KANSL1L: variants seen among roughly 807,000 people sequenced by gnomAD.
The protein encoded by KANSL1L is KAT8 regulatory NSL complex subunit 1-like protein.
Under a neutral mutation model 108.6 loss-of-function variants are expected in KANSL1L, and 25 were observed. The ratio of observed to expected loss-of-function variants is 0.23; its 90% CI spans 0.17 to 0.32. The LOEUF (loss-of-function observed/expected upper bound fraction) is 0.32. Ranked by LOEUF, KANSL1L falls within the 10% of genes least tolerant of loss-of-function variation. KANSL1L has a pLI of 1.00. For missense variants in KANSL1L, 1,137 were observed against 1,125.7 expected (o/e 1.01, Z -0.14); for synonymous variants, 405 against 395.1 (o/e 1.03, Z -0.30).
At chr2:210,088,809 G>C (rs1229612272) in intron 5 of KANSL1L, 1 of 152,256 alleles carries the variant, frequency 6.6e-6, no homozygotes, top group Non-Finnish European at 1.5e-5. Flanking sequence ...ATTGCTCTCA[G>C]CAATATGAAA....
chr2:210,103,303 C>T (rs557640024), intron 4 of KANSL1L, among the ~76,000 whole-genome samples: 43 of 150,150 alleles, frequency 2.9e-4, no homozygotes, highest in Non-Finnish European at 5.3e-4. Flanking sequence ...GGGGACATCA[C>T]ACACCGGGGC....
At chr2:210,156,330 G>C (rs2095332928) in intron 1 of KANSL1L, among the ~76,000 whole-genome samples, 1 of 151,918 alleles carries the variant, frequency 6.6e-6, no homozygotes, top group South Asian at 2.1e-4. Flanking sequence ...AATTGGTTCA[G>C]TAATTTGACC....
chr2:210,034,091 C>A (rs2094065685), intron 8 of KANSL1L, among the ~76,000 whole-genome samples: 1 of 152,162 alleles, frequency 6.6e-6, no homozygotes, highest in African/African-American at 2.4e-5. Flanking sequence ...GTCTTTACTT[C>A]CTTCCCTTTT....
chr2:210,091,534 T>G (rs1420283151), intron 5 of KANSL1L, among the ~76,000 whole-genome samples: 2 of 152,130 alleles, frequency 1.3e-5, no homozygotes, highest in African/African-American at 4.8e-5. Context: ...GCATTAGCAC[T>G]CAGGAAATGC....
intron 6 of KANSL1L, chr2:210,063,645 G>T (rs1575455099): frequency 6.6e-6 from 1 of 152,136 alleles, no homozygotes; most frequent in African/African-American, 2.4e-5. Context: ...TGACTGCCCT[G>T]CTGGATTTTG....
At chr2:210,139,368 T>C (rs2095206185) in intron 2 of KANSL1L, among the ~76,000 whole-genome samples, 1 of 152,200 alleles carries the variant, frequency 6.6e-6, no homozygotes, top group African/African-American at 2.4e-5. Context: ...AGTATCAACA[T>C]GAGAGTGCAG....
Position 210,030,051 on chromosome 2 carries a change from CAA to C in KANSL1L, c.2156-135_2156-134del, listed in dbSNP as rs1180115257. 6 of 447,138 alleles carry C rather than the reference CAA, an allele frequency of 1.3e-5. No individual in the cohort carries two copies. The Admixed American group carries it at 2.1e-4, about 15-fold the overall frequency. The allele number at this position is 447,138 out of a possible 1,614,324, so 27.7% of individuals were successfully genotyped here. On this transcript the variant is annotated intron_variant, in intron 9 of 14. Transcript: ENST00000281772. ...GTGTTTAAATTCGTGTATTAGAAAA[CAA>C]AAAAGGAAATGAAAAAAGAGGAGCC... is the stretch of plus-strand genomic sequence containing the variant.
At chr2:210,092,314 T>A (rs926072692) in intron 5 of KANSL1L, among the ~76,000 whole-genome samples, 3 of 152,210 alleles carry the variant, frequency 2.0e-5, no homozygotes, top group Non-Finnish European at 4.4e-5. Flanking sequence ...TCACACTATA[T>A]TCTCTACATT....
In KANSL1L at chr2:210,040,500, G is replaced by A. The variant is rs761810936; in HGVS notation, c.1949C>T (p.Thr650Ile). 2 of 1,548,886 alleles carry A rather than the reference G, an allele frequency of 1.3e-6. No individual in the cohort carries two copies. Among genetic ancestry groups the A allele is most frequent in the African/African-American group, 1.4e-5 (1 of 72,244 alleles). ...TTTTATTTCAGTCTTTTTTAACAGT[G>A]TTTCAAAGTGAAAATGAAGAGGCAC... Reference protein sequence around the residue: ...SDVPLHFHFETLLKKTEIKGN... With the variant: ...SDVPLHFHFEILLKKTEIKGN... Residue 650 changes from threonine to isoleucine, a missense_variant, in exon 8 of 15, where the codon ACA becomes ATA. Coordinates refer to ENST00000281772, the MANE Select transcript of KANSL1L (RefSeq NM_152519.4).
At chr2:210,069,222 T>C (rs966124460) in intron 6 of KANSL1L, among the ~76,000 whole-genome samples, 1 of 152,318 alleles carries the variant, frequency 6.6e-6, no homozygotes. Flanking sequence ...AGGATAGCCT[T>C]CCCTCCAGTT....
chr2:210,118,426 A>T (rs1270514489), intron 3 of KANSL1L, among the ~76,000 whole-genome samples: 5 of 140,752 alleles, frequency 3.6e-5, no homozygotes, highest in African/African-American at 5.4e-5. Context: ...CTCAGATCGC[A>T]CCATTGCACT....
intron 8 of KANSL1L, among the ~76,000 whole-genome samples, chr2:210,038,229 C>T (rs148324913): frequency 6.6e-6 from 1 of 151,930 alleles, no homozygotes; most frequent in African/African-American, 2.4e-5. Flanking sequence ...AGACTAGATT[C>T]TTGGAAATGG....
At chr2:210,132,784 G>A (rs554088671) in intron 2 of KANSL1L, among the ~76,000 whole-genome samples, 4 of 151,994 alleles carry the variant, frequency 2.6e-5, no homozygotes, top group South Asian at 2.1e-4. Context: ...CTGTTCTCTT[G>A]TCATATTTGG....
At chr2:210,046,788 CAT>C (rs1391989342) in intron 6 of KANSL1L, among the ~76,000 whole-genome samples, 1 of 152,152 alleles carries the variant, frequency 6.6e-6, no homozygotes, top group East Asian at 1.9e-4. Flanking sequence ...CTTTGCCACA[CAT>C]AGCCTAAGCC....
chr2:210,146,117 C>A (rs1454271147), intron 2 of KANSL1L, among the ~76,000 whole-genome samples: 1 of 152,078 alleles, frequency 6.6e-6, no homozygotes, highest in Non-Finnish European at 1.5e-5. Context: ...ATGGTAGCAC[C>A]TACCATTTGC....
In KANSL1L at chr2:210,171,364, C is replaced by G. The variant is rs1252991370; in HGVS notation, c.-245G>C. The G allele has an allele frequency of 1.2e-5, 2 of 172,964 alleles. No homozygotes were observed. The highest frequency in any genetic ancestry group is 2.4e-5 in the African/African-American group (1 of 41,712). The allele number at this position is 172,964 out of a possible 1,614,324, so 10.7% of individuals were successfully genotyped here. On this transcript the variant is annotated 5_prime_UTR_variant, in exon 1 of 15. Transcript: ENST00000281772. ...CCGCGGTTTAACAGTCCGCCCGCTGCCCGCAGCTCCGTGCGGCTCGGGGGG... is the reference window on the plus strand; with the variant it reads ...CCGCGGTTTAACAGTCCGCCCGCTGGCCGCAGCTCCGTGCGGCTCGGGGGG...
At chr2:210,078,954 T>C (rs2094561310) in intron 5 of KANSL1L, among the ~76,000 whole-genome samples, 1 of 150,724 alleles carries the variant, frequency 6.6e-6, no homozygotes, top group African/African-American at 2.5e-5. Flanking sequence ...TTTAAAAATC[T>C]TTCTTTCTTT....
Position 210,023,122 on chromosome 2 carries a change from A to C in KANSL1L, c.2791T>G (p.Leu931Val). The change falls in exon 15 of 15, where the codon TTA (leucine) becomes GTA (valine). Residue 931 changes from leucine to valine, a missense_variant. Leu to Val is a conservative substitution (Grantham distance 32). Around this residue, in one of 3 missense-constraint regions of KANSL1L, gnomAD observed 575 missense variants for 567.1 expected, o/e 1.01. Transcript: ENST00000281772. ...TGATCCTTTTTTTCATCTTGACATA[A>C]TAAGGCTGCCATGTCTTCACCCTTC... ...PLKGEDMAAL[L>V]CQDEKKDQVE... is the part of the protein sequence containing the mutation. 1 of 1,614,042 alleles carries C rather than the reference A, an allele frequency of 6.2e-7. No individual in the cohort carries two copies. Among genetic ancestry groups the C allele is most frequent in the Non-Finnish European group, 8.5e-7 (1 of 1,179,956 alleles).
At chr2:210,093,022 T>C (rs1475558284) in intron 5 of KANSL1L, among the ~76,000 whole-genome samples, 1 of 152,198 alleles carries the variant, frequency 6.6e-6, no homozygotes. Flanking sequence ...TTACTTCCAA[T>C]GTACCTTTAC....
Sources: allele counts gnomAD v4.1 joint callset (sites outside exome capture counted in the v4.1 genomes callset), GRCh38; gene constraint gnomAD v4.1.1; regional missense constraint gnomAD v4.1.1; transcripts MANE v1.5; gene names NCBI Gene and HGNC (gene_info 2026-07-23, HGNC 2026-07-21).